C1orf21: variants seen among roughly 807,000 people sequenced by gnomAD.
C1orf21 encodes the protein uncharacterized protein C1orf21.
Under a neutral mutation model 18.7 loss-of-function variants are expected in C1orf21, and 3 were observed. That is an observed-to-expected ratio of 0.16 (90% CI 0.07 to 0.42). The LOEUF (loss-of-function observed/expected upper bound fraction) is 0.42, where lower values mean the gene tolerates loss of function less well. C1orf21 is among the 10% of genes least tolerant of loss of function. The probability of loss-of-function intolerance (pLI) is 0.99; values close to 1 mark genes in which losing one functional copy is unlikely to be tolerated. For synonymous variants in C1orf21, 41 were observed against 46.4 expected (o/e 0.88, Z 0.47); for missense variants, 104 against 143.6 (o/e 0.72, Z 1.41).
At chr1:184,521,382 G>A (rs1658304144) in intron 3 of C1orf21, among the ~76,000 whole-genome samples, 1 of 152,050 alleles carries the variant, frequency 6.6e-6, no homozygotes, top group Non-Finnish European at 1.5e-5. Flanking sequence ...AGCAACCAAG[G>A]TGTCCTTCAA....
chr1:184,584,982 G>C (rs1265826629), intron 3 of C1orf21, among the ~76,000 whole-genome samples: 1 of 152,198 alleles, frequency 6.6e-6, no homozygotes, highest in South Asian at 2.1e-4. Context: ...GTTGAAACTG[G>C]ATTGTCGTGA....
chr1:184,523,281 A>G (rs1658331615), intron 3 of C1orf21, among the ~76,000 whole-genome samples: 1 of 152,160 alleles, frequency 6.6e-6, no homozygotes, highest in Admixed American at 6.5e-5. Flanking sequence ...AATTAATGTC[A>G]GTAGTGATAA....
At chr1:184,619,374 C>A (rs1410576398) in intron 5 of C1orf21, 144 bp from the exon 6 acceptor site, 1 of 799,834 alleles carries the variant, frequency 1.3e-6, no homozygotes, top group Non-Finnish European at 2.0e-6. Context: ...TATGACGTAG[C>A]TACCCCTGTG....
intron 5 of C1orf21, among the ~76,000 whole-genome samples, chr1:184,618,036 A>G (rs1659857498): frequency 6.6e-6 from 1 of 151,294 alleles, no homozygotes; most frequent in African/African-American, 2.4e-5. Context: ...TAGCCTCCCA[A>G]ATAGCTGGGA....
At chr1:184,485,414 G>GA (rs1255079349) in intron 2 of C1orf21, among the ~76,000 whole-genome samples, 2 of 152,152 alleles carry the variant, frequency 1.3e-5, no homozygotes, top group Admixed American at 6.5e-5. Flanking sequence ...GTGGCTACTA[G>GA]AAGCATTAAA....
chr1:184,477,949 G>T (rs555415568), intron 2 of C1orf21, among the ~76,000 whole-genome samples: 1 of 152,186 alleles, frequency 6.6e-6, no homozygotes, highest in Non-Finnish European at 1.5e-5. Flanking sequence ...GGGTTATACC[G>T]TCTGAGGTGA....
intron 4 of C1orf21, chr1:184,592,386 T>A (rs2101999793): frequency 6.6e-6 from 1 of 152,346 alleles, no homozygotes; most frequent in South Asian, 2.1e-4. Flanking sequence ...TCCCGAAATG[T>A]TTCATTTAAA....
intron 1 of C1orf21, among the ~76,000 whole-genome samples, chr1:184,428,433 T>C (rs1444692512): frequency 2.0e-5 from 3 of 152,148 alleles, no homozygotes; most frequent in Admixed American, 6.5e-5. Context: ...TTGCAAGAAG[T>C]GGTCTACCAG....
intron 5 of C1orf21, among the ~76,000 whole-genome samples, chr1:184,617,944 C>G (rs1277438171): frequency 7.7e-6 from 1 of 129,642 alleles, no homozygotes; most frequent in East Asian, 2.6e-4. Flanking sequence ...GAGTCTCACT[C>G]TGTCACCCAG....
At chr1:184,514,682 G>C (rs186905567) in intron 3 of C1orf21, among the ~76,000 whole-genome samples, 95 of 152,290 alleles carry the variant, frequency 6.2e-4, no homozygotes, top group Admixed American at 5.8e-3. Flanking sequence ...GCTTGCACAA[G>C]ACTAGTTCAC....
chr1:184,470,888 A>C lies in C1orf21; in HGVS notation c.-124-6498A>C, dbSNP rs555841953. Among the ~76,000 whole-genome samples, 6 of 152,232 alleles carry C rather than the reference A, an allele frequency of 3.9e-5. 1 individual carries two copies. In the South Asian group the frequency reaches 1.2e-3, roughly 32 times the overall value. The stretch of plus-strand genomic sequence containing the variant: ...AGTAAGACTCTTTCTCAAAAAAAAA[A>C]AAAGAACAAGAAAGAGAACTCAAAG... On this transcript the variant is annotated intron_variant, in intron 1 of 5. Coordinates refer to ENST00000235307, the MANE Select transcript of C1orf21 (RefSeq NM_030806.4).
At chr1:184,541,905 C>T (rs979920193) in intron 3 of C1orf21, among the ~76,000 whole-genome samples, 20 of 152,092 alleles carry the variant, frequency 1.3e-4, no homozygotes, top group African/African-American at 7.2e-5. Context: ...GGCTTCGGGC[C>T]GGTGTGGTTT....
chr1:184,439,141 G>T (rs905351765), intron 1 of C1orf21, among the ~76,000 whole-genome samples: 3 of 151,964 alleles, frequency 2.0e-5, no homozygotes, highest in Admixed American at 2.0e-4. Context: ...AACCCAGGAG[G>T]CGAAGGTTGC....
At chr1:184,446,901 G>A (rs902678279) in intron 1 of C1orf21, among the ~76,000 whole-genome samples, 4 of 145,956 alleles carry the variant, frequency 2.7e-5, no homozygotes, top group African/African-American at 7.7e-5. Flanking sequence ...GGGATGAAAC[G>A]ATGACTTGAT....
At chr1:184,597,936 C>T (rs1367037857) in intron 4 of C1orf21, among the ~76,000 whole-genome samples, 1 of 152,190 alleles carries the variant, frequency 6.6e-6, no homozygotes, top group Admixed American at 6.5e-5. Context: ...GCTTGTTTGC[C>T]ACCGGCCCAC....
At chr1:184,414,195 A>G (rs1278925892) in intron 1 of C1orf21, among the ~76,000 whole-genome samples, 3 of 152,126 alleles carry the variant, frequency 2.0e-5, no homozygotes, top group Non-Finnish European at 4.4e-5. Flanking sequence ...GGTGGGGTAC[A>G]ACCATGGCTC....
intron 2 of C1orf21, among the ~76,000 whole-genome samples, chr1:184,499,896 G>T (rs1400799310): frequency 1.3e-5 from 2 of 152,172 alleles, no homozygotes; most frequent in Non-Finnish European, 2.9e-5. Flanking sequence ...TGGTTACCAA[G>T]GATAACAGGA....
At chr1:184,408,053 A>T (rs1024410632) in intron 1 of C1orf21, among the ~76,000 whole-genome samples, 1 of 152,140 alleles carries the variant, frequency 6.6e-6, no homozygotes, top group Non-Finnish European at 1.5e-5. Context: ...CTGAGTTCTC[A>T]TTTTCACTTT....
intron 5 of C1orf21, among the ~76,000 whole-genome samples, chr1:184,617,725 A>G (rs1049845413): frequency 4.6e-5 from 7 of 151,978 alleles, no homozygotes; most frequent in African/African-American, 1.7e-4. Flanking sequence ...GGACTCAGAC[A>G]CTCTGCAAGC....
Sources: allele counts gnomAD v4.1 joint callset (sites outside exome capture counted in the v4.1 genomes callset), GRCh38; gene constraint gnomAD v4.1.1; transcripts MANE v1.5; gene names NCBI Gene and HGNC (gene_info 2026-07-23, HGNC 2026-07-21).